The following MEGF11 variants were observed in gnomAD, a reference collection of about 807,000 sequenced individuals.
MEGF11 encodes the protein multiple epidermal growth factor-like domains protein 11.
In MEGF11, 126 loss-of-function variants were observed where a neutral mutation model predicts 146.6. The observed-to-expected ratio is 0.86, with a 90% confidence interval of 0.74 to 1.00. The LOEUF (loss-of-function observed/expected upper bound fraction) is 1.00. Ranked by LOEUF, MEGF11 falls within the 50% of genes least tolerant of loss-of-function variation. The pLI is 0.00. For missense variants in MEGF11, 1,509 were observed against 1,521.2 expected (o/e 0.99, Z 0.13); for synonymous variants, 532 against 583.4 (o/e 0.91, Z 1.27).
intron 4 of MEGF11, among the ~76,000 whole-genome samples, chr15:66,099,049 G>A (rs1449568787): frequency 6.6e-6 from 1 of 152,058 alleles, no homozygotes; most frequent in Non-Finnish European, 1.5e-5. Context: ...GACAATTATT[G>A]TTTTAACAAG....
intron 5 of MEGF11, among the ~76,000 whole-genome samples, chr15:65,996,561 T>C (rs1200845150): frequency 1.3e-5 from 2 of 152,150 alleles, no homozygotes; most frequent in Non-Finnish European, 2.9e-5. Context: ...TCTTGACTCA[T>C]TGCAACCTCT....
chr15:65,985,797 C>T (rs2081834879), intron 5 of MEGF11, among the ~76,000 whole-genome samples: 1 of 152,018 alleles, frequency 6.6e-6, no homozygotes, highest in Non-Finnish European at 1.5e-5. Context: ...GAGCAGCATT[C>T]ATGGTACCCT....
intron 1 of MEGF11, among the ~76,000 whole-genome samples, chr15:66,142,936 CTTAG>C (rs957511309): frequency 1.3e-5 from 2 of 152,158 alleles, no homozygotes; most frequent in African/African-American, 4.8e-5. Context: ...TTCTCTAGGC[CTTAG>C]CTTCCCCATT....
rs1375105049 is a variant in MEGF11 at position 65,897,998 on chromosome 15, T to C, written c.3359A>G (p.His1120Arg). The C allele has an allele frequency of 6.2e-7, 1 of 1,614,030 alleles. No individual in the cohort carries two copies. Among genetic ancestry groups the C allele is most frequent in the Admixed American group, 1.7e-5 (1 of 60,032 alleles). The change falls in exon 26 of 26, where the codon CAT (histidine) becomes CGT (arginine). Residue 1120 changes from histidine to arginine, a missense_variant. Coordinates refer to ENST00000395614, the MANE Select transcript of MEGF11 (RefSeq NM_001385028.1). ...CTGTCTTACTGGGAGGAGGTCATAA[T>C]GACCAGGAATATGGCTGTTCCTAGG... ...DLPRNSHIPG[H>R]YDLLPVRQSP...
intron 1 of MEGF11, among the ~76,000 whole-genome samples, chr15:66,248,528 T>A (rs1184356043): frequency 6.6e-6 from 1 of 152,258 alleles, no homozygotes; most frequent in Non-Finnish European, 1.5e-5. Context: ...TTAATTGATC[T>A]TCCCCTTGCT....
intron 1 of MEGF11, among the ~76,000 whole-genome samples, chr15:66,235,994 A>G (rs1481265780): frequency 6.6e-6 from 1 of 152,168 alleles, no homozygotes; most frequent in Non-Finnish European, 1.5e-5. Flanking sequence ...TTTGACTATA[A>G]TAAGCACAGA....
intron 5 of MEGF11, among the ~76,000 whole-genome samples, chr15:66,027,912 C>T (rs766471473): frequency 6.6e-6 from 1 of 152,210 alleles, no homozygotes; most frequent in Non-Finnish European, 1.5e-5. Flanking sequence ...GCTTCCTCAT[C>T]TGCAAAATGG....
At chr15:65,981,120 T>G (rs113848112) in intron 6 of MEGF11, among the ~76,000 whole-genome samples, 7,245 of 151,496 alleles carry the variant, frequency 0.048, 279 homozygotes, top group Non-Finnish European at 0.07. Context: ...TGGGATGACT[T>G]AAGTGTTCTT....
chr15:65,998,268 C>T (rs1053400394), intron 5 of MEGF11, among the ~76,000 whole-genome samples: 1 of 152,134 alleles, frequency 6.6e-6, no homozygotes, highest in Non-Finnish European at 1.5e-5. Context: ...AGTGCCTGCT[C>T]GCTTAGAATG....
chr15:66,133,005 C>T (rs538252738), intron 1 of MEGF11, among the ~76,000 whole-genome samples: 1 of 152,306 alleles, frequency 6.6e-6, no homozygotes, highest in Admixed American at 6.5e-5. Context: ...CAACCTCCAC[C>T]CCAACCTCTC....
At chr15:66,131,047 G>A (rs1420821283) in intron 1 of MEGF11, among the ~76,000 whole-genome samples, 1 of 152,210 alleles carries the variant, frequency 6.6e-6, no homozygotes, top group African/African-American at 2.4e-5. Flanking sequence ...CAGGGGAAGA[G>A]TCCATGTAAA....
chr15:65,936,853 T>C (rs1238111651), intron 10 of MEGF11, among the ~76,000 whole-genome samples: 1 of 152,162 alleles, frequency 6.6e-6, no homozygotes, highest in Non-Finnish European at 1.5e-5. Flanking sequence ...GAATATTGTC[T>C]AGTCTAAGGA....
intron 5 of MEGF11, among the ~76,000 whole-genome samples, chr15:65,994,421 G>A (rs1262162722): frequency 1.3e-5 from 2 of 152,170 alleles, no homozygotes; most frequent in Non-Finnish European, 2.9e-5. Flanking sequence ...GCAGAGGCCC[G>A]GCTCCCTGGT....
At chr15:66,129,380 T>C (rs2140966370) in intron 1 of MEGF11, among the ~76,000 whole-genome samples, 1 of 152,308 alleles carries the variant, frequency 6.6e-6, no homozygotes, top group East Asian at 1.9e-4. Flanking sequence ...CCAAACATCA[T>C]CTGTAGGCTG....
intron 20 of MEGF11, among the ~76,000 whole-genome samples, chr15:65,913,264 C>G (rs2078874799): frequency 6.6e-6 from 1 of 152,154 alleles, no homozygotes; most frequent in Non-Finnish European, 1.5e-5. Context: ...CTGTCCCCTT[C>G]CGCTGTACTA....
At chr15:66,078,816 G>T (rs1006853964) in intron 5 of MEGF11, among the ~76,000 whole-genome samples, 2 of 152,170 alleles carry the variant, frequency 1.3e-5, no homozygotes, top group South Asian at 4.1e-4. Flanking sequence ...TCCACTGCCC[G>T]CCTCTTGCCA....
intron 5 of MEGF11, among the ~76,000 whole-genome samples, chr15:66,088,485 C>G (rs2086200287): frequency 6.6e-6 from 1 of 152,146 alleles, no homozygotes; most frequent in African/African-American, 2.4e-5. Flanking sequence ...AACCCCGTCT[C>G]TACTAAAAAT....
intron 5 of MEGF11, among the ~76,000 whole-genome samples, chr15:65,986,140 AC>A (rs1248046826): frequency 6.6e-6 from 1 of 151,912 alleles, no homozygotes; most frequent in African/African-American, 2.4e-5. Flanking sequence ...TTTAGTAGAG[AC>A]AGGGTTTCAT....
chr15:66,187,988 C>A (rs1175950296), intron 1 of MEGF11, among the ~76,000 whole-genome samples: 2 of 152,194 alleles, frequency 1.3e-5, no homozygotes, highest in Non-Finnish European at 2.9e-5. Flanking sequence ...TACACGCATG[C>A]ACACACTTCC....
Sources: allele counts gnomAD v4.1 joint callset (sites outside exome capture counted in the v4.1 genomes callset), GRCh38; gene constraint gnomAD v4.1.1; transcripts MANE v1.5; gene names NCBI Gene and HGNC (gene_info 2026-07-23, HGNC 2026-07-21).